PNPLA1: variants seen among roughly 807,000 people sequenced by gnomAD.
PNPLA1 encodes the protein omega-hydroxyceramide transacylase.
PNPLA1 carries 36 observed loss-of-function variants against 51.7 expected under a neutral mutation model. The observed-to-expected ratio is 0.70, with a 90% CI of 0.53 to 0.92. The LOEUF (loss-of-function observed/expected upper bound fraction) is 0.92, where lower values mean the gene tolerates loss of function less well. PNPLA1 is among the 40% of genes least tolerant of loss of function. The probability of loss-of-function intolerance (pLI) is 0.00; values close to 1 mark genes in which losing one functional copy is unlikely to be tolerated. For synonymous variants in PNPLA1, 293 were observed against 280.1 expected (o/e 1.05, Z -0.46); for missense variants, 658 against 682.5 (o/e 0.96, Z 0.40).
chr6:36,254,770 C>T (rs769907774), intron 1 of PNPLA1, among the ~76,000 whole-genome samples: 1 of 152,114 alleles, frequency 6.6e-6, no homozygotes, highest in Non-Finnish European at 1.5e-5. Flanking sequence ...TGAGACCTCT[C>T]TGGGCCATTG....
At chr6:36,259,726 C>G (rs1302087038) in intron 1 of PNPLA1, among the ~76,000 whole-genome samples, 2 of 152,116 alleles carry the variant, frequency 1.3e-5, no homozygotes, top group Non-Finnish European at 1.5e-5. Context: ...CACAAATTAA[C>G]TCAGGAACAG....
Position 36,312,498 on chromosome 6 carries a change from G to A in PNPLA1, c.*612G>A, listed in dbSNP as rs1222843348. Among the ~76,000 whole-genome samples the A allele has an allele frequency of 1.3e-5, 2 of 152,184 alleles. No individual in the cohort carries two copies. The highest frequency in any genetic ancestry group is 3.9e-4 in the East Asian group (2 of 5,194). On this transcript the variant is annotated 3_prime_UTR_variant, in exon 9 of 9. Coordinates refer to ENST00000636260, the MANE Select transcript of PNPLA1 (RefSeq NM_001374623.1). ...AGGGTTGCCCAAGGTGTATGAACCTGTAAGGGTGATCCCCGGTGGAACTAA... is the reference window on the plus strand; with the variant it reads ...AGGGTTGCCCAAGGTGTATGAACCTATAAGGGTGATCCCCGGTGGAACTAA...
intron 1 of PNPLA1, among the ~76,000 whole-genome samples, chr6:36,271,921 G>A (rs576062618): frequency 3.9e-5 from 6 of 152,284 alleles, no homozygotes; most frequent in South Asian, 2.1e-4. Flanking sequence ...GTTATTGAAC[G>A]TTCTGCGCCT....
chr6:36,301,791 A>C (rs2127351682), intron 5 of PNPLA1, 70 bp from the exon 6 acceptor site: 1 of 1,536,772 alleles, frequency 6.5e-7, no homozygotes, highest in East Asian at 2.3e-5. Context: ...AAATAACTCA[A>C]GAAACCATTT....
chr6:36,264,064 C>T (rs560163890), intron 1 of PNPLA1, among the ~76,000 whole-genome samples: 3 of 152,308 alleles, frequency 2.0e-5, no homozygotes, highest in South Asian at 2.1e-4. Flanking sequence ...CTTCCCCATG[C>T]AGTCCTGCAT....
Position 36,270,346 on chromosome 6 carries a change from C to T in PNPLA1, c.-114C>T, listed in dbSNP as rs921094288. On this transcript the variant is annotated 5_prime_UTR_variant, in exon 1 of 9. Coordinates refer to ENST00000636260, the MANE Select transcript of PNPLA1 (RefSeq NM_001374623.1). Reference sequence around the variant, plus strand: ...GTAGAGACAGCCACATTCCAAGCTCCGGGGTGGCAGGGAAGCTGGGTAGGG... The same window carrying T: ...GTAGAGACAGCCACATTCCAAGCTCTGGGGTGGCAGGGAAGCTGGGTAGGG... 37 of 1,092,448 alleles carry T rather than the reference C, an allele frequency of 3.4e-5. No individual in the cohort carries two copies. In the African/African-American group the frequency reaches 4.8e-4, roughly 14 times the overall value. 67.7% of individuals were successfully genotyped at this position (1,092,448 alleles called of 1,614,324 possible).
At chr6:36,276,754 G>GTTCGTTCCTTCC (rs1554135959) in intron 1 of PNPLA1, among the ~76,000 whole-genome samples, 70 of 149,890 alleles carry the variant, frequency 4.7e-4, no homozygotes, top group South Asian at 1.5e-3. Flanking sequence ...TCGTTCGTTC[G>GTTCGTTCCTTCC]TTCCTTCCTT....
chr6:36,286,868 A>G (rs899779188), intron 1 of PNPLA1, among the ~76,000 whole-genome samples: 1 of 145,792 alleles, frequency 6.9e-6, no homozygotes, highest in African/African-American at 2.6e-5. Context: ...TTTTTTTTGT[A>G]GAGACAGGGG....
chr6:36,268,291 C>T (rs185763599), upstream of PNPLA1, among the ~76,000 whole-genome samples: 1 of 152,176 alleles, frequency 6.6e-6, no homozygotes, highest in East Asian at 1.9e-4. Context: ...GCCAGGCGTC[C>T]TACAGCCATT....
chr6:36,264,811 C>G (rs1033145843), intron 1 of PNPLA1, among the ~76,000 whole-genome samples: 1 of 152,218 alleles, frequency 6.6e-6, no homozygotes, highest in Non-Finnish European at 1.5e-5. Flanking sequence ...TGAATAATCT[C>G]AAGGTCCTAC....
chr6:36,278,098 T>G (rs1770168094), intron 1 of PNPLA1, among the ~76,000 whole-genome samples: 1 of 152,176 alleles, frequency 6.6e-6, no homozygotes, highest in Admixed American at 6.5e-5. Context: ...TTTACCCCAC[T>G]CCATCTCTCT....
rs74946910 is a variant in PNPLA1 at position 36,294,376 on chromosome 6, G to A, written c.691G>A (p.Ala231Thr). 6.9e-3 allele frequency: 11,211 copies of A among 1,614,072 alleles called. 606 individuals carry two copies. The East Asian group carries it at 0.13, about 19-fold the overall frequency. The change falls in exon 4 of 9, where the codon GCA (alanine) becomes ACA (threonine). Residue 231 changes from alanine to threonine, a missense_variant. Ala to Thr is a moderately conservative substitution (Grantham distance 58). Transcript: ENST00000636260. This position sits in a 1 kb window ranked among gnomAD's most constrained non-coding sequence, Gnocchi z 4.2. The stretch of plus-strand genomic sequence containing the variant: ...GGAGAACATCGCCAGGATGACCCAC[G>A]CATTGTTCCCCCCGGACCTGGTGGT... ...SLENIARMTH[A>T]LFPPDLVILH...
At chr6:36,297,488 C>T (rs1432812139) in intron 5 of PNPLA1, among the ~76,000 whole-genome samples, 1 of 152,120 alleles carries the variant, frequency 6.6e-6, no homozygotes, top group East Asian at 1.9e-4. Flanking sequence ...GTAGGGGTCA[C>T]CTCCAGCAGG....
At chr6:36,252,955 C>T (rs1394432021) in intron 1 of PNPLA1, among the ~76,000 whole-genome samples, 4 of 152,238 alleles carry the variant, frequency 2.6e-5, no homozygotes, top group East Asian at 1.9e-4. Flanking sequence ...CCAAGGCTGG[C>T]GGATTGCCTG....
At chr6:36,272,601 G>A (rs60098580) in intron 1 of PNPLA1, among the ~76,000 whole-genome samples, 407 of 152,286 alleles carry the variant, frequency 2.7e-3, no homozygotes, top group African/African-American at 9.6e-3. Flanking sequence ...GGCTTCTTAA[G>A]ATCTCTGAAC....
At position 36,313,845 on chromosome 6, in the gene PNPLA1, C is replaced by T. The variant is rs1457435115; in HGVS notation, c.*1959C>T. Among the ~76,000 whole-genome samples the T allele has an allele frequency of 6.6e-6, 1 of 152,202 alleles. No homozygotes were observed. The highest frequency in any genetic ancestry group is 6.5e-5 in the Admixed American group (1 of 15,284). On this transcript the variant is annotated 3_prime_UTR_variant, in exon 9 of 9. Transcript: ENST00000636260. ...TGTTCCCTGGGACCCAAGGAAGACT[C>T]GAACTTAATCATAATTATTGTTTTA...
At chr6:36,297,143 G>T (rs1223366524) in intron 5 of PNPLA1, among the ~76,000 whole-genome samples, 1 of 152,160 alleles carries the variant, frequency 6.6e-6, no homozygotes, top group Non-Finnish European at 1.5e-5. Flanking sequence ...ATGGATGGGG[G>T]CAGGCTTCTT....
intron 6 of PNPLA1, 102 bp from the exon 7 acceptor site, chr6:36,306,190 G>A: frequency 7.0e-6 from 6 of 860,818 alleles, no homozygotes; most frequent in Non-Finnish European, 1.1e-5. Flanking sequence ...AGAGTTCTTT[G>A]CTGTTTTTAA....
At chr6:36,255,297 G>A (rs953710272) in intron 1 of PNPLA1, among the ~76,000 whole-genome samples, 2 of 152,152 alleles carry the variant, frequency 1.3e-5, no homozygotes, top group African/African-American at 4.8e-5. Flanking sequence ...CTGAGGTTGG[G>A]AGTTCGAGAC....
Sources: allele counts gnomAD v4.1 joint callset (sites outside exome capture counted in the v4.1 genomes callset), GRCh38; gene constraint gnomAD v4.1.1; non-coding constraint Gnocchi (gnomAD v3.1); transcripts MANE v1.5; gene names NCBI Gene and HGNC (gene_info 2026-07-23, HGNC 2026-07-21).